GMCL1: variants seen among roughly 807,000 people sequenced by gnomAD.
The protein encoded by GMCL1 is germ cell-less protein-like 1.
GMCL1 carries 54 observed loss-of-function variants against 75.5 expected under a neutral mutation model. The observed-to-expected ratio is 0.71, with a 90% CI of 0.57 to 0.90. The LOEUF (loss-of-function observed/expected upper bound fraction) is 0.90, where lower values mean the gene tolerates loss of function less well. GMCL1 is among the 40% of genes least tolerant of loss of function. The pLI, the probability that GMCL1 is intolerant of heterozygous loss-of-function variation, is 0.00. For missense variants in GMCL1, 537 were observed against 622.7 expected (o/e 0.86, Z 1.47); for synonymous variants, 210 against 209.6 (o/e 1.00, Z -0.02).
At chr2:69,877,815 C>T (rs1216247310) in intron 13 of GMCL1, among the ~76,000 whole-genome samples, 1 of 152,066 alleles carries the variant, frequency 6.6e-6, no homozygotes, top group South Asian at 2.1e-4. Flanking sequence ...AGTGAGTCTG[C>T]TTCAGTCACA....
In GMCL1 at chr2:69,864,194, A is replaced by C. The variant is rs373233924; in HGVS notation, c.1143-706A>C. ...TAGTCTTATTTACACTTATTTATTT[A>C]TTGTATTTGTTTCATTATTTTATTA... is the stretch of plus-strand genomic sequence containing the variant. On this transcript the variant is annotated intron_variant, in intron 10 of 13. Coordinates refer to ENST00000282570, the MANE Select transcript of GMCL1 (RefSeq NM_178439.5). Among the ~76,000 whole-genome samples, 9 of 152,042 alleles carry C rather than the reference A, an allele frequency of 5.9e-5. No homozygotes were observed. In the East Asian group the frequency reaches 1.2e-3, roughly 20 times the overall value.
At chr2:69,857,277 C>A (rs1675500398) in intron 9 of GMCL1, among the ~76,000 whole-genome samples, 1 of 152,196 alleles carries the variant, frequency 6.6e-6, no homozygotes, top group African/African-American at 2.4e-5. Flanking sequence ...GTGTCCTTCA[C>A]TTGGCAAAAT....
chr2:69,831,819 G>C (rs1009486432), intron 1 of GMCL1, among the ~76,000 whole-genome samples: 1 of 152,038 alleles, frequency 6.6e-6, no homozygotes, highest in Non-Finnish European at 1.5e-5. Context: ...GCCCACCCAG[G>C]CTGGCCTGGA....
chr2:69,856,079 T>G (rs1675458849), intron 9 of GMCL1, among the ~76,000 whole-genome samples: 1 of 152,194 alleles, frequency 6.6e-6, no homozygotes, highest in African/African-American at 2.4e-5. Context: ...AGATCCTGTA[T>G]TTTTTGGCAG....
At chr2:69,870,667 A>G (rs895491135) in intron 12 of GMCL1, among the ~76,000 whole-genome samples, 1 of 152,204 alleles carries the variant, frequency 6.6e-6, no homozygotes, top group African/African-American at 2.4e-5. Flanking sequence ...TATAATTTAA[A>G]AAGAAAACTC....
At chr2:69,857,421 C>G (rs1007467779) in intron 9 of GMCL1, among the ~76,000 whole-genome samples, 4 of 152,196 alleles carry the variant, frequency 2.6e-5, no homozygotes, top group African/African-American at 9.6e-5. Context: ...CTTGGGACTT[C>G]TTACACTACT....
intron 11 of GMCL1, among the ~76,000 whole-genome samples, chr2:69,866,708 TC>T (rs113283263): frequency 0.071 from 10,754 of 152,156 alleles, 1,011 homozygotes; most frequent in Admixed American, 0.22. Flanking sequence ...CAAGAGATCT[TC>T]CTGCCTTAGC....
In GMCL1 at chr2:69,837,568, T is replaced by C. The variant is rs148037339; in HGVS notation, c.282T>C (p.Ser94=). The C allele has an allele frequency of 5.3e-5, 84 of 1,583,266 alleles. No individual in the cohort carries two copies. Among genetic ancestry groups the C allele is most frequent in the Middle Eastern group, 2.0e-4 (1 of 5,120 alleles). Residue 94 remains serine, a synonymous_variant, in exon 2 of 14, where the codon TCT becomes TCC. Coordinates refer to ENST00000282570, the MANE Select transcript of GMCL1 (RefSeq NM_178439.5). ...TPRRKKLKST[S]KYIYQTLFLN... ...ACAGGAAAAAATTAAAGAGTACATC[T>C]AAATATATTTATCAAACATTATTTT...
intron 8 of GMCL1, 57 bp from the exon 9 acceptor site, chr2:69,854,766 A>C (rs1365191601): frequency 1.4e-6 from 2 of 1,480,150 alleles, no homozygotes; most frequent in Non-Finnish European, 1.9e-6. Flanking sequence ...CCACAAAAAC[A>C]TTTAAGAATA....
In GMCL1 at chr2:69,879,829, A is replaced by G. The variant is rs1460700828; in HGVS notation, c.*825A>G. The G allele has an allele frequency of 6.6e-6, 1 of 152,116 alleles. No individual in the cohort carries two copies. Among genetic ancestry groups the G allele is most frequent in the Non-Finnish European group, 1.5e-5 (1 of 68,008 alleles). 9.4% of individuals were successfully genotyped at this position (152,116 alleles called of 1,614,324 possible). On this transcript the variant is annotated 3_prime_UTR_variant, in exon 14 of 14. Coordinates refer to ENST00000282570, the MANE Select transcript of GMCL1 (RefSeq NM_178439.5). ...AGGTTTTGAATTATTTATGTACCAGATATTATAGTTTTAAACATTTTAATA... is the reference window on the plus strand; with the variant it reads ...AGGTTTTGAATTATTTATGTACCAGGTATTATAGTTTTAAACATTTTAATA...
At chr2:69,875,399 G>A (rs949176199) in intron 13 of GMCL1, among the ~76,000 whole-genome samples, 2 of 151,932 alleles carry the variant, frequency 1.3e-5, no homozygotes, top group Non-Finnish European at 2.9e-5. Flanking sequence ...ATTTAGTTAC[G>A]CAAAACCACC....
At chr2:69,861,827 A>G (rs1675656926) in intron 10 of GMCL1, among the ~76,000 whole-genome samples, 1 of 152,150 alleles carries the variant, frequency 6.6e-6, no homozygotes, top group Non-Finnish European at 1.5e-5. Context: ...TCACGCCTGT[A>G]ATCCCAGCAC....
chr2:69,860,933 C>T (rs1675621645), intron 9 of GMCL1, among the ~76,000 whole-genome samples: 1 of 152,190 alleles, frequency 6.6e-6, no homozygotes, highest in African/African-American at 2.4e-5. Flanking sequence ...ACCTCCGCCT[C>T]CTGGGTTCAA....
intron 12 of GMCL1, among the ~76,000 whole-genome samples, chr2:69,870,087 G>A (rs542824179): frequency 2.0e-5 from 3 of 149,252 alleles, no homozygotes; most frequent in South Asian, 2.2e-4. Context: ...ATATATACCA[G>A]TAGGGAATAT....
chr2:69,870,678 A>C (rs1395602327), intron 12 of GMCL1, among the ~76,000 whole-genome samples: 3 of 152,206 alleles, frequency 2.0e-5, no homozygotes, highest in Non-Finnish European at 4.4e-5. Context: ...AAGAAAACTC[A>C]ACTCAGCTCA....
intron 1 of GMCL1, among the ~76,000 whole-genome samples, chr2:69,832,087 G>A (rs1278927579): frequency 6.6e-6 from 1 of 152,098 alleles, no homozygotes; most frequent in African/African-American, 2.4e-5. Flanking sequence ...CAGTCGTGGT[G>A]GCAGCTGCCT....
intron 6 of GMCL1, among the ~76,000 whole-genome samples, chr2:69,845,407 ACTGCCCACC>A (rs926505060): frequency 4.6e-5 from 7 of 152,184 alleles, no homozygotes; most frequent in Admixed American, 3.9e-4. Flanking sequence ...GACAATGAGG[ACTGCCCACC>A]CTGCCCACCA....
intron 8 of GMCL1, among the ~76,000 whole-genome samples, chr2:69,852,411 G>C (rs1416134663): frequency 1.3e-5 from 2 of 152,104 alleles, no homozygotes; most frequent in African/African-American, 4.8e-5. Context: ...TGATGCTCTT[G>C]TTTTTCTATG....
chr2:69,869,015 G>A lies in GMCL1; in HGVS notation c.1219-704G>A, dbSNP rs1010244014. Among the ~76,000 whole-genome samples the A allele has an allele frequency of 2.8e-4, 42 of 151,826 alleles. 1 individual carries two copies. Among genetic ancestry groups the A allele is most frequent in the Middle Eastern group, 3.4e-3 (1 of 294 alleles). ...ACTTTGTAGTCCCAGCACTTTGGGA[G>A]GCCGAGGCGGGCGGATCACCTGAGG... On this transcript the variant is annotated intron_variant, in intron 11 of 13. Coordinates refer to ENST00000282570, the MANE Select transcript of GMCL1 (RefSeq NM_178439.5).
Sources: allele counts gnomAD v4.1 joint callset (sites outside exome capture counted in the v4.1 genomes callset), GRCh38; gene constraint gnomAD v4.1.1; transcripts MANE v1.5; gene names NCBI Gene and HGNC (gene_info 2026-07-23, HGNC 2026-07-21).